Variants in DLGAP2 observed in about 807,000 individuals in gnomAD.
DLGAP2 encodes disks large-associated protein 2.
Under a neutral mutation model 100.3 loss-of-function variants are expected in DLGAP2, and 26 were observed. That is an observed-to-expected ratio of 0.26 (90% CI 0.19 to 0.36). The LOEUF is 0.36. Ranked by LOEUF, DLGAP2 falls within the 10% of genes least tolerant of loss-of-function variation. DLGAP2 has a pLI of 1.00. For synonymous variants in DLGAP2, 886 were observed against 630.1 expected, an observed-to-expected ratio of 1.41 and a Z score of -6.08; for missense variants, 1,858 against 1,453.2, an observed-to-expected ratio of 1.28 and a Z score of -4.53.
intron 2 of DLGAP2, among the ~76,000 whole-genome samples, chr8:1,174,017 C>A (rs1278302586): frequency 6.6e-6 from 1 of 152,152 alleles, no homozygotes; most frequent in Admixed American, 6.5e-5. Flanking sequence ...ATTTGGCCAT[C>A]TTGGCTCCTC....
chr8:1,449,519 C>G (rs577628124), intron 3 of DLGAP2, among the ~76,000 whole-genome samples: 2 of 152,306 alleles, frequency 1.3e-5, no homozygotes, highest in African/African-American at 4.8e-5. Flanking sequence ...CTCTCACAGC[C>G]AAGCTGCTGG....
intron 2 of DLGAP2, among the ~76,000 whole-genome samples, chr8:1,170,684 A>G (rs372558678): frequency 0.11 from 14,406 of 129,138 alleles, 911 homozygotes; most frequent in Middle Eastern, 0.26. Flanking sequence ...GGTGTTTGTA[A>G]TATTCTCTGA....
intron 6 of DLGAP2, among the ~76,000 whole-genome samples, chr8:1,588,825 A>T (rs1190372700): frequency 6.6e-6 from 1 of 151,122 alleles, no homozygotes; most frequent in Non-Finnish European, 1.5e-5. Context: ...AGAAGGCTGG[A>T]GCAGGAGAAT....
intron 3 of DLGAP2, among the ~76,000 whole-genome samples, chr8:1,382,771 T>C (rs1179872559): frequency 2.6e-5 from 4 of 152,154 alleles, no homozygotes; most frequent in African/African-American, 9.7e-5. Context: ...GAAATGTGTA[T>C]AGTTTACATT....
intron 2 of DLGAP2, among the ~76,000 whole-genome samples, chr8:1,178,552 A>G (rs1392943168): frequency 1.3e-5 from 2 of 152,188 alleles, no homozygotes; most frequent in African/African-American, 4.8e-5. Context: ...ATTTAACGAA[A>G]GGCACCTTTT....
At chr8:1,275,926 T>TA (rs1214894738) in intron 3 of DLGAP2, among the ~76,000 whole-genome samples, 1 of 121,496 alleles carries the variant, frequency 8.2e-6, no homozygotes, top group African/African-American at 3.3e-5. Context: ...AATAAATATA[T>TA]ATAGTATATA....
intron 2 of DLGAP2, among the ~76,000 whole-genome samples, chr8:1,008,922 G>T (rs1801199447): frequency 6.6e-6 from 1 of 152,258 alleles, no homozygotes; most frequent in South Asian, 2.1e-4. Context: ...AACCCTGTGA[G>T]GAGCTGGAGT....
At chr8:1,346,027 G>A (rs1033804345) in intron 3 of DLGAP2, among the ~76,000 whole-genome samples, 1 of 152,246 alleles carries the variant, frequency 6.6e-6, no homozygotes, top group Non-Finnish European at 1.5e-5. Context: ...AGATGGGACA[G>A]GCTCAATGCC....
chr8:738,509 C>A (rs1820382884), intron 1 of DLGAP2: 1 of 152,250 alleles, frequency 6.6e-6, no homozygotes, highest in Admixed American at 6.5e-5. Context: ...CGAGGCGCTA[C>A]CCAGCGCAGG....
At chr8:1,542,576 T>C (rs140743004) in intron 4 of DLGAP2, among the ~76,000 whole-genome samples, 5 of 152,352 alleles carry the variant, frequency 3.3e-5, no homozygotes, top group African/African-American at 9.6e-5. Flanking sequence ...CTGGGCTTAA[T>C]TGGTTTTAAT....
At chr8:1,230,433 G>A (rs1390590679) in intron 2 of DLGAP2, among the ~76,000 whole-genome samples, 1 of 152,126 alleles carries the variant, frequency 6.6e-6, no homozygotes, top group African/African-American at 2.4e-5. Context: ...TGGCTGTACT[G>A]CCCAAAGCGA....
At chr8:1,502,205 T>C (rs1314800471) in intron 4 of DLGAP2, among the ~76,000 whole-genome samples, 1 of 152,156 alleles carries the variant, frequency 6.6e-6, no homozygotes, top group Non-Finnish European at 1.5e-5. Context: ...ACCTAAAAGA[T>C]TGTCAGCCTC....
intron 2 of DLGAP2, among the ~76,000 whole-genome samples, chr8:1,085,895 A>G (rs1387746390): frequency 6.6e-6 from 1 of 152,210 alleles, no homozygotes; most frequent in Non-Finnish European, 1.5e-5. Context: ...CAATCCATGA[A>G]CACAGAACAT....
intron 3 of DLGAP2, among the ~76,000 whole-genome samples, chr8:1,416,778 G>A (rs1695571265): frequency 6.6e-6 from 1 of 152,184 alleles, no homozygotes; most frequent in African/African-American, 2.4e-5. Context: ...AGAGCCTGGG[G>A]GCGGAATGTG....
At chr8:1,001,430 ATC>A (rs1800952652) in intron 2 of DLGAP2, among the ~76,000 whole-genome samples, 1 of 152,198 alleles carries the variant, frequency 6.6e-6, no homozygotes. Flanking sequence ...AATATTTATA[ATC>A]TCTCAAACTT....
At chr8:1,512,023 A>G (rs1316678275) in intron 4 of DLGAP2, among the ~76,000 whole-genome samples, 3 of 152,240 alleles carry the variant, frequency 2.0e-5, no homozygotes, top group African/African-American at 7.2e-5. Flanking sequence ...ACATCTGACT[A>G]ACAATCTTCA....
At chr8:1,472,002 C>T (rs181771159) in intron 3 of DLGAP2, among the ~76,000 whole-genome samples, 2 of 152,250 alleles carry the variant, frequency 1.3e-5, no homozygotes, top group African/African-American at 2.4e-5. Flanking sequence ...GCGGTGGTCT[C>T]TGTGCCAGGC....
chr8:1,488,893 A>C (rs1799298598), intron 3 of DLGAP2, among the ~76,000 whole-genome samples: 1 of 152,172 alleles, frequency 6.6e-6, no homozygotes, highest in South Asian at 2.1e-4. Flanking sequence ...ACCTGGATTC[A>C]GGGTGGGTAA....
chr8:1,122,716 C>G (rs1468446540), intron 2 of DLGAP2, among the ~76,000 whole-genome samples: 1 of 151,870 alleles, frequency 6.6e-6, no homozygotes, highest in East Asian at 1.9e-4. Flanking sequence ...CTTTCTTCCT[C>G]CCTCTTTCCC....
Sources: allele counts gnomAD v4.1 joint callset (sites outside exome capture counted in the v4.1 genomes callset), GRCh38; gene constraint gnomAD v4.1.1; transcripts MANE v1.5; gene names NCBI Gene and HGNC (gene_info 2026-07-23, HGNC 2026-07-21).